KRT17: variants seen among roughly 807,000 people sequenced by gnomAD.
KRT17 encodes the protein keratin, type I cytoskeletal 17.
A neutral mutation model predicts 45.6 loss-of-function variants in KRT17; 29 were observed. That is an observed-to-expected ratio of 0.64 (90% CI 0.47 to 0.87). KRT17 has a LOEUF of 0.87. KRT17 is among the 40% of genes least tolerant of loss of function. KRT17 has a pLI of 0.00. For synonymous variants in KRT17, 219 were observed against 234.6 expected (o/e 0.93, Z 0.61); for missense variants, 536 against 577.8 (o/e 0.93, Z 0.74).
Position 41,624,421 on chromosome 17 carries a change from C to T in KRT17, c.89G>A (p.Arg30Gln), listed in dbSNP as rs2229512. 2.3e-4 allele frequency: 378 copies of T among 1,610,226 alleles called. No homozygotes were observed. Among genetic ancestry groups the T allele is most frequent in the Non-Finnish European group, 2.4e-4 (283 of 1,179,362 alleles). The stretch of plus-strand genomic sequence containing the variant: ...GCCGGCACCCAGGCCGCCAGACAGC[C>T]GGCAGGAGGTGCGGGACGAGCCGCC... Reference protein sequence around the residue: ...LGGGSSRTSCRLSGGLGAGSC... With the variant: ...LGGGSSRTSCQLSGGLGAGSC... The change falls in exon 1 of 8, where the codon CGG becomes CAG. Residue 30 changes from arginine (R) to glutamine (Q), a missense_variant. Arg to Gln is a conservative substitution (Grantham distance 43, BLOSUM62 1). Transcript: ENST00000311208.
At chr17:41,621,179 G>A (rs545409265) in intron 4 of KRT17, 88 bp from the exon 5 acceptor site, 82 of 1,536,370 alleles carry the variant, frequency 5.3e-5, no homozygotes, top group Middle Eastern at 2.2e-4. Context: ...TGGAGAGAGT[G>A]TGCCTTCTCA....
chr17:41,624,056 C>T, intron 1 of KRT17, 22 bp downstream of exon 1: 1 of 1,611,998 alleles, frequency 6.2e-7, no homozygotes, highest in Non-Finnish European at 8.5e-7. Context: ...CCCCGGAGAC[C>T]CCTCCCACCA....
In KRT17 at chr17:41,619,621, G is replaced by C; in HGVS notation, c.1272C>G (p.Arg424=). 1 of 1,612,200 alleles carries C rather than the reference G, an allele frequency of 6.2e-7. No individual in the cohort carries two copies. Among genetic ancestry groups the C allele is most frequent in the Non-Finnish European group, 8.5e-7 (1 of 1,180,006 alleles). Residue 424 remains arginine (R), a synonymous_variant, in exon 8 of 8, where the codon CGC becomes CGG. Coordinates refer to ENST00000311208, the MANE Select transcript of KRT17 (RefSeq NM_000422.3). Reference sequence around the variant, plus strand: ...AGCGGGTGGTCTGGTGGACCTGCTCGCGGGAGGAGATGACCTTGCCATCCT... The same window carrying C: ...AGCGGGTGGTCTGGTGGACCTGCTCCCGGGAGGAGATGACCTTGCCATCCT... ...EVQDGKVISS[R]EQVHQTTR is the part of the protein sequence containing the mutation.
chr17:41,619,904 G>C, intron 7 of KRT17: 2 of 985,350 alleles, frequency 2.0e-6, no homozygotes, highest in Non-Finnish European at 2.4e-6. Context: ...CCCTGTGTGA[G>C]TCTTGCCTCC....
Position 41,624,210 on chromosome 17 carries a change from G to T in KRT17, c.300C>A (p.Asp100Glu), listed in dbSNP as rs2144616599. 6.2e-7 allele frequency: 1 copy of T among 1,612,792 alleles called. No individual in the cohort carries two copies. Among genetic ancestry groups the T allele is most frequent in the Non-Finnish European group, 8.5e-7 (1 of 1,180,020 alleles). ...TGGCCTCCTCCAGGGCACGCACCTTGTCCAGGTAGGAGGCCAGGCGGTCAT... is the reference window on the plus strand; with the variant it reads ...TGGCCTCCTCCAGGGCACGCACCTTTTCCAGGTAGGAGGCCAGGCGGTCAT... ...NLNDRLASYL[D>E]KVRALEEANT... The change falls in exon 1 of 8, where the codon GAC becomes GAA. Residue 100 changes from aspartate (D) to glutamate (E), a missense_variant. Coordinates refer to ENST00000311208, the MANE Select transcript of KRT17 (RefSeq NM_000422.3).
chr17:41,622,262 T>A, intron 3 of KRT17, 93 bp downstream of exon 3: 4 of 1,524,662 alleles, frequency 2.6e-6, no homozygotes, highest in Non-Finnish European at 3.6e-6. Context: ...GTGCACCTGC[T>A]CTGCTCTCTC....
intron 3 of KRT17, 66 bp from the exon 4 acceptor site, chr17:41,621,820 C>A: frequency 6.3e-7 from 1 of 1,595,388 alleles, no homozygotes; most frequent in South Asian, 1.1e-5. Flanking sequence ...CCCAAGCCTT[C>A]CCCCACAAGG....
intron 7 of KRT17, 27 bp from the exon 8 acceptor site, chr17:41,619,715 T>A (rs758053198): frequency 8.1e-6 from 13 of 1,611,786 alleles, no homozygotes; most frequent in Admixed American, 1.7e-5. Flanking sequence ...CAATTTAAAG[T>A]GGGTAGGGGC....
intron 1 of KRT17, among the ~76,000 whole-genome samples, chr17:41,623,453 G>A (rs1004188346): frequency 5.3e-5 from 8 of 152,216 alleles, no homozygotes. Flanking sequence ...CCTCATTAAA[G>A]AGTGGTTCCA....
chr17:41,622,229 GC>G (rs1908566376), intron 3 of KRT17, 125 bp downstream of exon 3: 1 of 1,218,672 alleles, frequency 8.2e-7, no homozygotes, highest in Non-Finnish European at 1.2e-6. Flanking sequence ...AGACAGGGAA[GC>G]CCTCTAAGGT....
Position 41,620,739 on chromosome 17 carries a change from G to A in KRT17, c.1101C>T (p.Tyr367=). The A allele has an allele frequency of 6.2e-7, 1 of 1,612,408 alleles. No homozygotes were observed. The highest frequency in any genetic ancestry group is 8.5e-7 in the Non-Finnish European group (1 of 1,179,872). The change falls in exon 6 of 8, where the codon TAC becomes TAT. Residue 367 remains tyrosine (Y), a synonymous_variant. Coordinates refer to ENST00000311208, the MANE Select transcript of KRT17 (RefSeq NM_000422.3). ...RCEMEQQNQE[Y]KILLDVKTRL... ...GCGTCTTCACATCCAGCAGGATTTT[G>A]TATTCCTGGTTCTGCTGCTCCATCT...
At chr17:41,622,802 TGG>T in intron 2 of KRT17, 146 bp downstream of exon 2, 2 of 767,482 alleles carry the variant, frequency 2.6e-6, no homozygotes, top group African/African-American at 1.7e-5. Context: ...CACTGCATCC[TGG>T]ACTAAGGAGT....
In KRT17 at chr17:41,619,531, T is replaced by G. The variant is rs1908464874; in HGVS notation, c.*63A>C. 6.2e-7 allele frequency: 1 copy of G among 1,611,326 alleles called. No individual in the cohort carries two copies. The highest frequency in any genetic ancestry group is 8.5e-7 in the Non-Finnish European group (1 of 1,179,726). ...GGCTGAGGCTGGAGAGGCCGGAGAC[T>G]GTGGGGCAGATGGGGCGGCTGCCTC... On this transcript the variant is annotated 3_prime_UTR_variant, in exon 8 of 8. Coordinates refer to ENST00000311208, the MANE Select transcript of KRT17 (RefSeq NM_000422.3).
At chr17:41,620,176 A>G (rs1237958792) in intron 7 of KRT17, 1 of 985,312 alleles carries the variant, frequency 1.0e-6, no homozygotes, top group East Asian at 1.1e-4. Flanking sequence ...ATCAGGCTAC[A>G]GACCCCAGAG....
intron 1 of KRT17, among the ~76,000 whole-genome samples, chr17:41,623,549 AG>A (rs1275467342): frequency 6.6e-6 from 1 of 152,192 alleles, no homozygotes; most frequent in African/African-American, 2.4e-5. Flanking sequence ...GCCCGTCTTA[AG>A]GGACAGCAGG....
chr17:41,623,080 C>T, intron 1 of KRT17, 48 bp from the exon 2 acceptor site: 2 of 1,397,478 alleles, frequency 1.4e-6, no homozygotes, highest in Non-Finnish European at 1.0e-6. Flanking sequence ...GGTGGCTGAG[C>T]CCACACCAGG....
chr17:41,623,197 T>C (rs1567749314), intron 1 of KRT17, 165 bp from the exon 2 acceptor site: 6 of 629,992 alleles, frequency 9.5e-6, no homozygotes, highest in South Asian at 7.0e-5. Flanking sequence ...TCTGAAGGGC[T>C]GAAAGGTGCC....
chr17:41,621,233 T>C (rs546809421), intron 4 of KRT17, 142 bp from the exon 5 acceptor site: 19 of 1,151,276 alleles, frequency 1.7e-5, no homozygotes, highest in Non-Finnish European at 2.3e-5. Flanking sequence ...CCATTTGAAA[T>C]GTTAACTTTT....
At chr17:41,621,482 G>A (rs1908539954) in intron 4 of KRT17, 111 bp downstream of exon 4, 6 of 1,343,020 alleles carry the variant, frequency 4.5e-6, no homozygotes, top group Non-Finnish European at 5.3e-6. Flanking sequence ...GGTCCATGCA[G>A]CTTACTGAGG....
Sources: gnomAD v4.1 joint callset for allele counts (sites outside exome capture counted in the v4.1 genomes callset) on GRCh38, gnomAD v4.1.1 for gene constraint, MANE v1.5 for transcripts, NCBI Gene and HGNC (gene_info 2026-07-23, HGNC 2026-07-21) for gene names.